The following ITGA1 variants were observed in gnomAD, a reference collection of about 807,000 sequenced individuals.
ITGA1 encodes integrin subunit alpha 1.
ITGA1 carries 85 observed loss-of-function variants against 145.9 expected under a neutral mutation model. That is an observed-to-expected ratio of 0.58 (90% confidence interval 0.49 to 0.70). ITGA1 has a LOEUF of 0.70. ITGA1 is among the 30% of genes least tolerant of loss of function. The probability of loss-of-function intolerance (pLI) is 0.00; values close to 1 mark genes in which losing one functional copy is unlikely to be tolerated. For synonymous variants in ITGA1, 520 were observed against 495.3 expected (o/e 1.05, Z -0.66); for missense variants, 1,351 against 1,418.7 (o/e 0.95, Z 0.77).
chr5:52,840,578 T>C (rs1187297127), intron 1 of ITGA1, among the ~76,000 whole-genome samples: 1 of 151,972 alleles, frequency 6.6e-6, no homozygotes, highest in African/African-American at 2.4e-5. Flanking sequence ...AGATCAAGAG[T>C]AGGTCTGAGA....
intron 3 of ITGA1, 24 bp downstream of exon 3, chr5:52,861,583 GT>G: frequency 6.8e-7 from 1 of 1,466,744 alleles, no homozygotes; most frequent in Non-Finnish European, 9.6e-7. Context: ...AAAAAATCTG[GT>G]TTTAGGCCAG....
chr5:52,810,121 A>C (rs1580038743), intron 1 of ITGA1, among the ~76,000 whole-genome samples: 2 of 152,314 alleles, frequency 1.3e-5, no homozygotes, highest in East Asian at 3.9e-4. Context: ...CGTTTTTAGG[A>C]CAGCAAAGAT....
chr5:52,898,478 A>C, intron 11 of ITGA1, 95 bp downstream of exon 11: 2 of 1,105,618 alleles, frequency 1.8e-6, no homozygotes, highest in Non-Finnish European at 2.5e-6. Context: ...TTGCAACCAT[A>C]TAGCAGGATT....
chr5:52,911,722 C>T (rs1424516172), intron 14 of ITGA1, among the ~76,000 whole-genome samples: 1 of 134,090 alleles, frequency 7.5e-6, no homozygotes, highest in South Asian at 2.4e-4. Flanking sequence ...ATATACTATA[C>T]ATATAGTGTA....
chr5:52,849,760 G>GT (rs137998318), intron 2 of ITGA1, among the ~76,000 whole-genome samples: 1 of 152,098 alleles, frequency 6.6e-6, no homozygotes, highest in Non-Finnish European at 1.5e-5. Context: ...CCATAATTAT[G>GT]TTTTTTGGCA....
At chr5:52,789,629 G>T (rs941202002) in intron 1 of ITGA1, among the ~76,000 whole-genome samples, 3 of 152,184 alleles carry the variant, frequency 2.0e-5, no homozygotes, top group Non-Finnish European at 4.4e-5. Flanking sequence ...AGTGGTAACT[G>T]CTGAACAGCA....
chr5:52,815,718 ATCATC>A (rs1217122635), intron 1 of ITGA1, among the ~76,000 whole-genome samples: 3 of 152,182 alleles, frequency 2.0e-5, no homozygotes, highest in Non-Finnish European at 4.4e-5. Flanking sequence ...CTACTTAGCA[ATCATC>A]TTTTCCAGAT....
chr5:52,923,039 GT>G, intron 18 of ITGA1, 152 bp downstream of exon 18: 1 of 590,572 alleles, frequency 1.7e-6, no homozygotes, highest in Non-Finnish European at 3.0e-6. Flanking sequence ...TTTATTCCTG[GT>G]CAGGAATGGA....
chr5:52,915,664 C>T, intron 15 of ITGA1, 70 bp downstream of exon 15: 2 of 1,540,272 alleles, frequency 1.3e-6, no homozygotes, highest in Non-Finnish European at 1.8e-6. Context: ...GTGATTGGAG[C>T]TCATGTCATA....
chr5:52,814,853 G>C (rs1400775584), intron 1 of ITGA1, among the ~76,000 whole-genome samples: 1 of 152,118 alleles, frequency 6.6e-6, no homozygotes, highest in Non-Finnish European at 1.5e-5. Flanking sequence ...CCAGGAATTT[G>C]ATATTAGTCC....
intron 27 of ITGA1, among the ~76,000 whole-genome samples, chr5:52,945,422 G>A (rs1308991089): frequency 6.6e-6 from 1 of 152,018 alleles, no homozygotes; most frequent in Non-Finnish European, 1.5e-5. Context: ...TTTATAAAAA[G>A]TGCCTTTATA....
chr5:52,833,036 A>G (rs1398012009), intron 1 of ITGA1, among the ~76,000 whole-genome samples: 1 of 151,990 alleles, frequency 6.6e-6, no homozygotes, highest in Non-Finnish European at 1.5e-5. Context: ...TACTAAAAAT[A>G]CAAAAATTAG....
chr5:52,888,365 A>G (rs1750088647), intron 8 of ITGA1, among the ~76,000 whole-genome samples: 1 of 152,102 alleles, frequency 6.6e-6, no homozygotes, highest in Non-Finnish European at 1.5e-5. Context: ...TAAATAAGAG[A>G]GAGGATTTGT....
At chr5:52,918,523 C>T (rs1750682797) in intron 15 of ITGA1, among the ~76,000 whole-genome samples, 1 of 152,174 alleles carries the variant, frequency 6.6e-6, no homozygotes, top group South Asian at 2.1e-4. Context: ...GAACCAAAAG[C>T]CCCAAATGGT....
chr5:52,918,482 C>T (rs1750681722), intron 15 of ITGA1, among the ~76,000 whole-genome samples: 1 of 152,128 alleles, frequency 6.6e-6, no homozygotes, highest in South Asian at 2.1e-4. Flanking sequence ...ATCTCTTTTC[C>T]ATCACAGGAA....
At chr5:52,922,716 A>G (rs1200297790) in intron 17 of ITGA1, 61 bp from the exon 18 acceptor site, 2 of 1,063,892 alleles carry the variant, frequency 1.9e-6, no homozygotes, top group East Asian at 2.4e-5. Flanking sequence ...AGGAGACATA[A>G]CAAGATCAGA....
chr5:52,815,897 T>C (rs1488627726), intron 1 of ITGA1, among the ~76,000 whole-genome samples: 1 of 152,136 alleles, frequency 6.6e-6, no homozygotes, highest in African/African-American at 2.4e-5. Flanking sequence ...TCTTAATAAA[T>C]TAAGGTAGCT....
chr5:52,924,549 ATTCTAAAC>A (rs542376523), intron 18 of ITGA1, among the ~76,000 whole-genome samples: 197 of 152,356 alleles, frequency 1.3e-3, no homozygotes, highest in Non-Finnish European at 2.4e-3. Flanking sequence ...CACTGCACAA[ATTCTAAAC>A]TTTTGAAAGA....
At chr5:52,856,680 CAGAGAGAGAGAGAGAGAG>C (rs137879951) in intron 2 of ITGA1, among the ~76,000 whole-genome samples, 1 of 148,216 alleles carries the variant, frequency 6.7e-6, no homozygotes, top group African/African-American at 2.5e-5. Flanking sequence ...GAAAAAGAGA[CAGAGAGAGAGAGAGAGAG>C]AGAGAGAGAG....
Sources: allele counts gnomAD v4.1 joint callset (sites outside exome capture counted in the v4.1 genomes callset), GRCh38; gene constraint gnomAD v4.1.1; transcripts MANE v1.5; gene names NCBI Gene and HGNC (gene_info 2026-07-23, HGNC 2026-07-21).